Variants in SLC25A48 observed in about 807,000 individuals in gnomAD.
The protein encoded by SLC25A48 is solute carrier family 25 member 48.
Under a neutral mutation model 32.2 loss-of-function variants are expected in SLC25A48, and 29 were observed. The observed-to-expected ratio is 0.90, with a 90% CI of 0.67 to 1.23. The LOEUF is 1.23. Among genes scored for constraint, SLC25A48 ranks in the 50% most tolerant of loss-of-function variants. The pLI is 0.00. For missense variants in SLC25A48, 399 were observed against 422.7 expected (o/e 0.94, Z 0.49); for synonymous variants, 164 against 172.3 (o/e 0.95, Z 0.38).
At chr5:135,692,648 G>A (rs1478554948) in intron 3 of SLC25A48, among the ~76,000 whole-genome samples, 1 of 152,182 alleles carries the variant, frequency 6.6e-6, no homozygotes, top group Non-Finnish European at 1.5e-5. Flanking sequence ...AGGAAATGCC[G>A]TCTTTGAGAG....
At chr5:135,881,785 G>A (rs1018437463) in intron 7 of SLC25A48, among the ~76,000 whole-genome samples, 3 of 152,176 alleles carry the variant, frequency 2.0e-5, no homozygotes, top group Non-Finnish European at 4.4e-5. Flanking sequence ...ACAAGACCTT[G>A]TTGTTATTCT....
intron 3 of SLC25A48, among the ~76,000 whole-genome samples, chr5:135,803,435 T>C (rs906211914): frequency 1.3e-5 from 2 of 151,960 alleles, no homozygotes; most frequent in African/African-American, 4.8e-5. Flanking sequence ...GTGTACACCC[T>C]GTGATATTAT....
chr5:135,696,251 G>A (rs1221958232), intron 3 of SLC25A48, among the ~76,000 whole-genome samples: 1 of 152,212 alleles, frequency 6.6e-6, no homozygotes, highest in Non-Finnish European at 1.5e-5. Flanking sequence ...CCAAAGAGGG[G>A]TGAGGCAGAG....
chr5:135,798,541 G>C (rs1213111927), intron 3 of SLC25A48, among the ~76,000 whole-genome samples: 1 of 151,322 alleles, frequency 6.6e-6, no homozygotes, highest in Non-Finnish European at 1.5e-5. Context: ...ATATCGTGGA[G>C]GTTGTACACC....
rs76738914 is a variant in SLC25A48 at position 135,630,909 on chromosome 5, T to G, written c.-709+1533T>G. Among the ~76,000 whole-genome samples the G allele has an allele frequency of 9.5e-3, 1,439 of 152,176 alleles. 26 individuals carry two copies. Among genetic ancestry groups the G allele is most frequent in the African/African-American group, 0.033 (1,367 of 41,518 alleles). On this transcript the variant is annotated intron_variant, in intron 2 of 10. Coordinates refer to the SLC25A48 transcript ENST00000646290. ...GAGCCACCGTGCCTGGCCTTAGGCTTAGCAGTATTCTAATGAGCACATCCC... is the reference window on the plus strand; with the variant it reads ...GAGCCACCGTGCCTGGCCTTAGGCTGAGCAGTATTCTAATGAGCACATCCC...
chr5:135,864,041 T>C lies in SLC25A48; in HGVS notation c.422-7420T>C, dbSNP rs79166039. 5.9e-3 allele frequency among the ~76,000 whole-genome samples: 904 copies of C among 151,992 alleles called. 13 individuals are homozygous for C. Among genetic ancestry groups the C allele is most frequent in the African/African-American group, 0.021 (852 of 41,418 alleles). ...CCATATGGATAGAAAGGAATCAGAG[T>C]GGGGCCAGGATTTGAGGTGAAGAAG... is the stretch of plus-strand genomic sequence containing the variant. On this transcript the variant is annotated intron_variant, in intron 4 of 7. Coordinates refer to ENST00000681962, the MANE Select transcript of SLC25A48 (RefSeq NM_001349336.2).
intron 1 of SLC25A48, among the ~76,000 whole-genome samples, chr5:135,836,560 CACCATAAATTTGTTTTAGA>C (rs1758526223): frequency 6.6e-6 from 1 of 152,180 alleles, no homozygotes; most frequent in Admixed American, 6.5e-5. Flanking sequence ...GTGCAACCAT[CACCATAAATTTGTTTTAGA>C]ACATTTTCAT....
Position 135,888,195 on chromosome 5 carries a change from G to A in SLC25A48, c.*171G>A, listed in dbSNP as rs1206518012. ...ACGTGGCCCTTCTGATGCCTGGGAT[G>A]CCTCATGAGTCACTGATTCAAGCCC... On this transcript the variant is annotated 3_prime_UTR_variant, in exon 8 of 8. Transcript: ENST00000681962. The A allele has an allele frequency of 2.4e-5, 24 of 996,400 alleles. No homozygotes were observed. Among genetic ancestry groups the A allele is most frequent in the Admixed American group, 6.6e-5 (3 of 45,688 alleles). 61.7% of individuals were successfully genotyped at this position (996,400 alleles called of 1,614,324 possible). A position where few individuals can be genotyped will look rare whatever the true frequency, so the allele number is the denominator to read the frequency against.
intron 3 of SLC25A48, among the ~76,000 whole-genome samples, chr5:135,716,213 G>T (rs1754792785): frequency 6.6e-6 from 1 of 152,138 alleles, no homozygotes; most frequent in African/African-American, 2.4e-5. Flanking sequence ...ATGCTTACCT[G>T]GTCTGGGACA....
intron 3 of SLC25A48, among the ~76,000 whole-genome samples, chr5:135,670,664 C>T (rs1036794709): frequency 6.6e-6 from 1 of 152,116 alleles, no homozygotes; most frequent in Non-Finnish European, 1.5e-5. Context: ...AAATATTAGC[C>T]TCTTGTTATC....
intron 3 of SLC25A48, among the ~76,000 whole-genome samples, chr5:135,703,584 C>T (rs1754441426): frequency 6.6e-6 from 1 of 152,176 alleles, no homozygotes; most frequent in South Asian, 2.1e-4. Context: ...GTTAACCTCT[C>T]AGCAAAAATA....
intron 3 of SLC25A48, among the ~76,000 whole-genome samples, chr5:135,806,960 CATA>C (rs902395750): frequency 1.9e-4 from 29 of 150,004 alleles, no homozygotes; most frequent in Admixed American, 4.0e-4. Flanking sequence ...TTTTGAATAT[CATA>C]ATAACTGTGT....
chr5:135,859,952 G>T (rs1760650723), intron 4 of SLC25A48, among the ~76,000 whole-genome samples: 1 of 152,148 alleles, frequency 6.6e-6, no homozygotes, highest in African/African-American at 2.4e-5. Flanking sequence ...AATCCTTTAT[G>T]TCTATACCTT....
In SLC25A48 at chr5:135,800,910, C is replaced by A. The variant is rs1757304942; in HGVS notation, c.-520-11613C>A. Among the ~76,000 whole-genome samples the A allele has an allele frequency of 2.0e-5, 3 of 150,654 alleles. No homozygotes were observed. In the South Asian group the frequency reaches 6.3e-4, roughly 32 times the overall value. Reference sequence around the variant, plus strand: ...ACTCCCCATATCGCAGGGGCGTGTACACCCCTCTGTGATATGGTTCATAAC... The same window carrying A: ...ACTCCCCATATCGCAGGGGCGTGTAAACCCCTCTGTGATATGGTTCATAAC... On this transcript the variant is annotated intron_variant, in intron 3 of 10. Transcript: ENST00000646290.
intron 3 of SLC25A48, among the ~76,000 whole-genome samples, chr5:135,783,346 T>C (rs1195148647): frequency 8.5e-6 from 1 of 117,914 alleles, no homozygotes; most frequent in Admixed American, 8.6e-5. Flanking sequence ...TGTGACATTG[T>C]TTCTAATATC....
chr5:135,731,325 G>A (rs1054704219), intron 3 of SLC25A48, among the ~76,000 whole-genome samples: 2 of 152,156 alleles, frequency 1.3e-5, no homozygotes, highest in African/African-American at 2.4e-5. Context: ...AGGCCATCTG[G>A]ATGTATACCT....
intron 2 of SLC25A48, among the ~76,000 whole-genome samples, chr5:135,631,682 C>T (rs1752574873): frequency 6.6e-6 from 1 of 152,178 alleles, no homozygotes; most frequent in Non-Finnish European, 1.5e-5. Flanking sequence ...TCATGTTGTA[C>T]AAAATGACAA....
chr5:135,825,974 C>T (rs924882367), intron 4 of SLC25A48: 3 of 152,372 alleles, frequency 2.0e-5, no homozygotes, highest in African/African-American at 7.2e-5. Context: ...CCCCAGCACC[C>T]ACTGACTGTC....
chr5:135,786,624 C>T (rs1756855042), intron 3 of SLC25A48, among the ~76,000 whole-genome samples: 1 of 151,876 alleles, frequency 6.6e-6, no homozygotes, highest in Admixed American at 6.6e-5. Flanking sequence ...ACGGTTACCC[C>T]TAGTGATACT....
Sources: gnomAD v4.1 joint callset for allele counts (sites outside exome capture counted in the v4.1 genomes callset) on GRCh38, gnomAD v4.1.1 for gene constraint, MANE v1.5 for transcripts, NCBI Gene and HGNC (gene_info 2026-07-23, HGNC 2026-07-21) for gene names.